The following SARNP variants were observed in gnomAD, a reference collection of about 807,000 sequenced individuals.
SARNP encodes the protein SAP domain-containing ribonucleoprotein.
In SARNP, 5 loss-of-function variants were observed where a neutral mutation model predicts 38.1. That is an observed-to-expected ratio of 0.13 (90% CI 0.07 to 0.28). The LOEUF (loss-of-function observed/expected upper bound fraction) is 0.28. Among genes scored for constraint, SARNP ranks in the 10% least tolerant of loss-of-function variants. The pLI is 1.00. For synonymous variants in SARNP, 84 were observed against 80.6 expected (o/e 1.04, Z -0.23); for missense variants, 180 against 243.9 (o/e 0.74, Z 1.75).
intron 9 of SARNP, among the ~76,000 whole-genome samples, chr12:55,770,504 G>A (rs1450440078): frequency 6.6e-6 from 1 of 151,400 alleles, no homozygotes; most frequent in African/African-American, 2.4e-5. Flanking sequence ...CTCCCAAAGT[G>A]CTGTGATTAC....
At chr12:55,781,661 T>C (rs578039135) in intron 9 of SARNP, among the ~76,000 whole-genome samples, 2 of 152,200 alleles carry the variant, frequency 1.3e-5, no homozygotes, top group African/African-American at 4.8e-5. Context: ...AAAAGTCTCA[T>C]GAAAATGATC....
chr12:55,788,051 A>AT (rs1029106709), intron 9 of SARNP, among the ~76,000 whole-genome samples: 2 of 151,776 alleles, frequency 1.3e-5, no homozygotes, highest in Non-Finnish European at 2.9e-5. Context: ...GCCTGGCCCG[A>AT]TTTTTTTCTT....
chr12:55,777,082 A>AG, intron 9 of SARNP, among the ~76,000 whole-genome samples: 1 of 152,332 alleles, frequency 6.6e-6, no homozygotes, highest in South Asian at 2.1e-4. Context: ...GACATTATGG[A>AG]GGGGGTATTG....
intron 9 of SARNP, among the ~76,000 whole-genome samples, chr12:55,784,668 C>T (rs1363664075): frequency 6.6e-6 from 1 of 152,160 alleles, no homozygotes; most frequent in Non-Finnish European, 1.5e-5. Flanking sequence ...AGTATGAAAG[C>T]TGTGTGGGAG....
intron 9 of SARNP, among the ~76,000 whole-genome samples, chr12:55,787,788 G>A (rs1453908553): frequency 8.2e-5 from 12 of 145,758 alleles, no homozygotes; most frequent in Non-Finnish European, 1.2e-4. Context: ...TCGCTCTGTC[G>A]CCCAGGCTGG....
intron 9 of SARNP, among the ~76,000 whole-genome samples, chr12:55,778,605 A>G (rs1879254083): frequency 6.6e-6 from 1 of 152,186 alleles, no homozygotes; most frequent in African/African-American, 2.4e-5. Flanking sequence ...GAAAAGGCCC[A>G]ATATTTATTT....
At chr12:55,794,685 T>A in intron 6 of SARNP, 122 bp downstream of exon 6, 2 of 675,012 alleles carry the variant, frequency 3.0e-6, no homozygotes, top group Non-Finnish European at 5.2e-6. Flanking sequence ...CAAAAAAGTG[T>A]TCATATCCTT....
rs533170714 is a variant in SARNP at position 55,779,469 on chromosome 12, C to T, written c.501+9606G>A. On this transcript the variant is annotated intron_variant, in intron 9 of 10. Transcript: ENST00000336133. ...TTGAATAGAACCCAAACTTACTAAG[C>T]AGGCTACTTTTCCAACTTACTCTGG... 3.3e-4 allele frequency among the ~76,000 whole-genome samples: 51 copies of T among 152,332 alleles called. 1 individual carries two copies. Among genetic ancestry groups the T allele is most frequent in the African/African-American group, 1.2e-3 (49 of 41,578 alleles).
intron 1 of SARNP, among the ~76,000 whole-genome samples, chr12:55,805,295 C>T (rs774477608): frequency 6.6e-6 from 1 of 152,216 alleles, no homozygotes; most frequent in Non-Finnish European, 1.5e-5. Flanking sequence ...AAACATATTA[C>T]AACGACTAGC....
In SARNP at chr12:55,788,580, T is replaced by C. The variant is rs551789892; in HGVS notation, c.501+495A>G. ...GGGAGGCAGAAGTGGGTGGATCCCTTAGGCCCAGGAGTTTGAGACCAGCTT... is the reference window on the plus strand; with the variant it reads ...GGGAGGCAGAAGTGGGTGGATCCCTCAGGCCCAGGAGTTTGAGACCAGCTT... On this transcript the variant is annotated intron_variant, in intron 9 of 10. Coordinates refer to ENST00000336133, the MANE Select transcript of SARNP (RefSeq NM_033082.4). 2.6e-3 allele frequency among the ~76,000 whole-genome samples: 389 copies of C among 152,226 alleles called. 3 individuals carry two copies. The highest frequency in any genetic ancestry group is 4.0e-3 in the Non-Finnish European group (272 of 68,008).
chr12:55,775,987 CACATAT>C (rs1879170230), intron 9 of SARNP, among the ~76,000 whole-genome samples: 1 of 152,110 alleles, frequency 6.6e-6, no homozygotes, highest in Admixed American at 6.5e-5. Context: ...TAATCACATA[CACATAT>C]ACCAAAAAAT....
At chr12:55,804,838 A>G (rs1456768805) in intron 1 of SARNP, among the ~76,000 whole-genome samples, 1 of 152,218 alleles carries the variant, frequency 6.6e-6, no homozygotes, top group African/African-American at 2.4e-5. Context: ...GTACAGATCT[A>G]TGACCAATCA....
intron 9 of SARNP, among the ~76,000 whole-genome samples, chr12:55,778,957 C>T (rs1302074028): frequency 2.0e-5 from 3 of 152,004 alleles, no homozygotes; most frequent in African/African-American, 7.2e-5. Flanking sequence ...GGCGACAGGG[C>T]GAGACTGTCT....
chr12:55,802,331 A>G (rs1266348346), intron 2 of SARNP, among the ~76,000 whole-genome samples: 1 of 152,066 alleles, frequency 6.6e-6, no homozygotes, highest in African/African-American at 2.4e-5. Flanking sequence ...AGTAGTTCAT[A>G]ATAATATACT....
chr12:55,775,587 A>G (rs1879159144), intron 9 of SARNP, among the ~76,000 whole-genome samples: 1 of 151,904 alleles, frequency 6.6e-6, no homozygotes, highest in Non-Finnish European at 1.5e-5. Context: ...AAAGAGTAGC[A>G]AAGGAAGGGG....
chr12:55,757,996 T>C (rs1168553790), intron 10 of SARNP, among the ~76,000 whole-genome samples: 4 of 152,180 alleles, frequency 2.6e-5, no homozygotes, highest in Non-Finnish European at 5.9e-5. Flanking sequence ...GATGCCCTTC[T>C]GAGCAGTCAG....
At chr12:55,811,094 AG>A (rs1880314645) in intron 1 of SARNP, among the ~76,000 whole-genome samples, 1 of 143,976 alleles carries the variant, frequency 6.9e-6, no homozygotes, top group Non-Finnish European at 1.5e-5. Context: ...AAAAAAAAAA[AG>A]AAATCATCTT....
intron 9 of SARNP, among the ~76,000 whole-genome samples, chr12:55,784,881 G>C (rs1237230425): frequency 6.6e-6 from 1 of 152,128 alleles, no homozygotes; most frequent in East Asian, 1.9e-4. Context: ...ATGTAAATGG[G>C]ATCTATACTC....
intron 1 of SARNP, among the ~76,000 whole-genome samples, chr12:55,815,087 T>C (rs1174340139): frequency 6.6e-6 from 1 of 152,142 alleles, no homozygotes; most frequent in African/African-American, 2.4e-5. Context: ...AGGTCTCCCT[T>C]TGTCACCCAG....
Sources: allele counts gnomAD v4.1 joint callset (sites outside exome capture counted in the v4.1 genomes callset), GRCh38; gene constraint gnomAD v4.1.1; transcripts MANE v1.5; gene names NCBI Gene and HGNC (gene_info 2026-07-23, HGNC 2026-07-21).